OPRD1: variants seen among roughly 807,000 people sequenced by gnomAD.
OPRD1 encodes the protein opioid receptor delta 1.
OPRD1 carries 19 observed loss-of-function variants against 17.5 expected under a neutral mutation model. The ratio of observed to expected loss-of-function variants is 1.09; its 90% confidence interval spans 0.76 to 1.60. The LOEUF is 1.60. Ranked by LOEUF, OPRD1 falls within the 40% of genes most tolerant of loss-of-function variation. OPRD1 has a pLI of 0.00. For synonymous variants in OPRD1, 256 were observed against 240.9 expected (o/e 1.06, Z -0.58); for missense variants, 483 against 547.2 (o/e 0.88, Z 1.17).
chr1:28,839,827 A>G (rs1198993803), intron 1 of OPRD1, among the ~76,000 whole-genome samples: 2 of 152,260 alleles, frequency 1.3e-5, no homozygotes, highest in Admixed American at 1.3e-4. Context: ...AGGCCCAGGC[A>G]TCCTTCAGGG....
At chr1:28,840,271 T>C (rs1031379149) in intron 1 of OPRD1, among the ~76,000 whole-genome samples, 2 of 152,152 alleles carry the variant, frequency 1.3e-5, no homozygotes, top group African/African-American at 4.8e-5. Flanking sequence ...TATATATATA[T>C]GAGATAGAGT....
chr1:28,857,744 C>T (rs59013573), intron 1 of OPRD1, among the ~76,000 whole-genome samples: 3,333 of 152,156 alleles, frequency 0.022, 115 homozygotes, highest in African/African-American at 0.072. Flanking sequence ...TGCCTTGGCC[C>T]CCCAAAGTGC....
At chr1:28,819,511 T>C (rs1395942458) in intron 1 of OPRD1, among the ~76,000 whole-genome samples, 1 of 152,192 alleles carries the variant, frequency 6.6e-6, no homozygotes, top group Non-Finnish European at 1.5e-5. Flanking sequence ...CTGAAAAGCC[T>C]CTTCCTAAGC....
chr1:28,862,850 T>C lies in OPRD1; in HGVS notation c.686T>C (p.Ile229Thr), dbSNP rs781174111. 1 of 1,613,026 alleles carries C rather than the reference T, an allele frequency of 6.2e-7. No homozygotes were observed. The highest frequency in any genetic ancestry group is 8.5e-7 in the Non-Finnish European group (1 of 1,180,032). Reference sequence around the variant, plus strand: ...GCCTTCGTGGTGCCCATCCTCATCATCACCGTGTGCTATGGCCTCATGCTG... The same window carrying C: ...GCCTTCGTGGTGCCCATCCTCATCACCACCGTGTGCTATGGCCTCATGCTG... ...LFAFVVPILI[I>T]TVCYGLMLLR... The change falls in exon 3 of 3, where the codon ATC becomes ACC. Residue 229 changes from isoleucine to threonine, a missense_variant. Coordinates refer to ENST00000234961, the MANE Select transcript of OPRD1 (RefSeq NM_000911.4).
intron 1 of OPRD1, among the ~76,000 whole-genome samples, chr1:28,824,607 T>G (rs1287952247): frequency 6.6e-6 from 1 of 151,984 alleles, no homozygotes; most frequent in African/African-American, 2.4e-5. Context: ...CGTGAGCCAC[T>G]GTGCCTGGCT....
chr1:28,835,183 G>T (rs2088841752), intron 1 of OPRD1, among the ~76,000 whole-genome samples: 1 of 152,148 alleles, frequency 6.6e-6, no homozygotes, highest in African/African-American at 2.4e-5. Flanking sequence ...CTGCGTTCTT[G>T]GGCCCCCATT....
intron 1 of OPRD1, among the ~76,000 whole-genome samples, chr1:28,814,524 C>T (rs1450038477): frequency 2.0e-5 from 3 of 152,238 alleles, no homozygotes. Context: ...ATTCCTGGCA[C>T]CTGCCCTGTC....
intron 1 of OPRD1, among the ~76,000 whole-genome samples, chr1:28,828,989 CAAAA>C (rs149592402): frequency 5.1e-5 from 7 of 137,374 alleles, no homozygotes; most frequent in Non-Finnish European, 3.2e-5. Flanking sequence ...GACTCTGTCT[CAAAA>C]AAAAAAAAAA....
At chr1:28,846,067 G>A (rs1005577368) in intron 1 of OPRD1, among the ~76,000 whole-genome samples, 2 of 152,224 alleles carry the variant, frequency 1.3e-5, no homozygotes, top group South Asian at 2.1e-4. Context: ...GCAGATTTCC[G>A]CTGCCGCCTC....
rs530055186 is a variant in OPRD1 at position 28,859,204 on chromosome 1, C to T, written c.478C>T (p.Arg160Cys). Residue 160 changes from arginine to cysteine, a missense_variant, in exon 2 of 3, where the codon CGC becomes TGC. Coordinates refer to ENST00000234961, the MANE Select transcript of OPRD1 (RefSeq NM_000911.4). ...VCHPVKALDF[R>C]TPAKAKLINI... The stretch of plus-strand genomic sequence containing the variant: ...CCACCCTGTCAAGGCCCTGGACTTC[C>T]GCACGCCTGCCAAGGCCAAGCTGAT... 11 of 1,614,262 alleles carry T rather than the reference C, an allele frequency of 6.8e-6. No individual in the cohort carries two copies. The highest frequency in any genetic ancestry group is 4.5e-5 in the East Asian group (2 of 44,892).
rs2089198615 is a variant in OPRD1, at chr1:28,869,309, C to G, written c.*6026C>G. ...TCAGGCTGCAGGCAGCTTGGGAATT[C>G]AAAATGGGGCTTAGAGAGGAGCTGG... On this transcript the variant is annotated 3_prime_UTR_variant, in exon 3 of 3. Transcript: ENST00000234961. The G allele has an allele frequency of 6.6e-6, 1 of 152,420 alleles. No homozygotes were observed. The highest frequency in any genetic ancestry group is 1.5e-5 in the Non-Finnish European group (1 of 68,244). 9.4% of individuals were successfully genotyped at this position (152,420 alleles called of 1,614,324 possible).
intron 1 of OPRD1, among the ~76,000 whole-genome samples, chr1:28,844,903 C>T (rs1381186608): frequency 1.3e-5 from 2 of 152,042 alleles, no homozygotes; most frequent in Non-Finnish European, 2.9e-5. Flanking sequence ...CACTACCACT[C>T]TCGGCTAATT....
chr1:28,851,529 G>A (rs965481352), intron 1 of OPRD1, among the ~76,000 whole-genome samples: 1 of 152,242 alleles, frequency 6.6e-6, no homozygotes, highest in Non-Finnish European at 1.5e-5. Flanking sequence ...TAGCCGAGGA[G>A]GACAGGTGCG....
chr1:28,850,256 A>G (rs1255690329), intron 1 of OPRD1, among the ~76,000 whole-genome samples: 4 of 152,132 alleles, frequency 2.6e-5, no homozygotes, highest in African/African-American at 9.7e-5. Flanking sequence ...TGGGAGGCCA[A>G]TGTGTAAGGA....
chr1:28,839,061 T>TG (rs11398217), intron 1 of OPRD1, among the ~76,000 whole-genome samples: 1 of 152,030 alleles, frequency 6.6e-6, no homozygotes, highest in Non-Finnish European at 1.5e-5. Context: ...TGCATACTTT[T>TG]TCAGATTAGT....
intron 1 of OPRD1, among the ~76,000 whole-genome samples, chr1:28,824,068 A>G (rs1306045966): frequency 6.7e-6 from 1 of 150,306 alleles, no homozygotes; most frequent in East Asian, 2.1e-4. Flanking sequence ...AATCCTAGCC[A>G]CTCGGGAGGC....
At chr1:28,850,135 C>T (rs2088987980) in intron 1 of OPRD1, among the ~76,000 whole-genome samples, 1 of 152,090 alleles carries the variant, frequency 6.6e-6, no homozygotes, top group African/African-American at 2.4e-5. Flanking sequence ...CCACCTCGGC[C>T]TCCCAAAGTG....
intron 1 of OPRD1, among the ~76,000 whole-genome samples, chr1:28,844,286 A>G (rs1028343169): frequency 1.3e-5 from 2 of 149,426 alleles, no homozygotes; most frequent in Non-Finnish European, 3.0e-5. Context: ...GGCCATTTGT[A>G]TATCTTTTTT....
chr1:28,841,781 T>G (rs980340482), intron 1 of OPRD1, among the ~76,000 whole-genome samples: 16 of 151,414 alleles, frequency 1.1e-4, no homozygotes, highest in African/African-American at 3.6e-4. Flanking sequence ...TGGTGTGATC[T>G]CAGCTCACTG....
Sources: allele counts gnomAD v4.1 joint callset (sites outside exome capture counted in the v4.1 genomes callset), GRCh38; gene constraint gnomAD v4.1.1; transcripts MANE v1.5; gene names NCBI Gene and HGNC (gene_info 2026-07-23, HGNC 2026-07-21).